CRADD: variants seen among roughly 807,000 people sequenced by gnomAD.
CRADD encodes the protein CARD and death domain containing adaptor protein.
Under a neutral mutation model 15.5 loss-of-function variants are expected in CRADD, and 9 were observed. That is an observed-to-expected ratio of 0.58 (90% CI 0.35 to 1.01). The LOEUF is 1.01. Among genes scored for constraint, CRADD ranks in the 50% least tolerant of loss-of-function variants. CRADD has a pLI of 0.02. For missense variants in CRADD, 227 were observed against 250.3 expected (o/e 0.91, Z 0.63); for synonymous variants, 118 against 107.6 (o/e 1.10, Z -0.60).
chr12:93,885,154 C>T (rs1447167659), intron 2 of CRADD, among the ~76,000 whole-genome samples: 1 of 152,154 alleles, frequency 6.6e-6, no homozygotes, highest in Non-Finnish European at 1.5e-5. Context: ...TTTGGTGAGG[C>T]CTGTTTCCAA....
At chr12:93,759,654 A>G (rs1256266165) in intron 2 of CRADD, among the ~76,000 whole-genome samples, 2 of 152,158 alleles carry the variant, frequency 1.3e-5, no homozygotes, top group African/African-American at 2.4e-5. Context: ...TCTATAGCCA[A>G]GAAAGAAACT....
chr12:93,741,959 CA>C (rs778332477), intron 2 of CRADD, among the ~76,000 whole-genome samples: 30 of 152,270 alleles, frequency 2.0e-4, no homozygotes, highest in Non-Finnish European at 3.7e-4. Flanking sequence ...CTCTACACGC[CA>C]TGATCTTTGT....
intron 2 of CRADD, among the ~76,000 whole-genome samples, chr12:93,809,955 T>C (rs1422076359): frequency 6.6e-6 from 1 of 152,200 alleles, no homozygotes; most frequent in Non-Finnish European, 1.5e-5. Context: ...TAGTCTTATA[T>C]AACCTTCTCG....
At chr12:93,683,006 G>C (rs1024528167) in intron 2 of CRADD, among the ~76,000 whole-genome samples, 2 of 152,202 alleles carry the variant, frequency 1.3e-5, no homozygotes, top group Middle Eastern at 3.2e-3. Flanking sequence ...CATTAGATCA[G>C]CTGGAAATCC....
chr12:93,796,317 C>T (rs1191552782), intron 2 of CRADD, among the ~76,000 whole-genome samples: 1 of 152,028 alleles, frequency 6.6e-6, no homozygotes, highest in Non-Finnish European at 1.5e-5. Context: ...ATATAAAAGT[C>T]ATCTGGGCTG....
At chr12:93,870,523 G>T (rs189803529) in intron 2 of CRADD, among the ~76,000 whole-genome samples, 1 of 152,142 alleles carries the variant, frequency 6.6e-6, no homozygotes, top group African/African-American at 2.4e-5. Flanking sequence ...CTCTATTCCT[G>T]GTAGACATGG....
At chr12:93,682,813 GA>G (rs111247347) in intron 2 of CRADD, among the ~76,000 whole-genome samples, 3,593 of 144,392 alleles carry the variant, frequency 0.025, 95 homozygotes, top group African/African-American at 0.074. Context: ...TCTCTGTTAG[GA>G]AAAAAAAAAA....
chr12:93,851,743 C>T (rs1958224353), downstream of CRADD, among the ~76,000 whole-genome samples: 1 of 152,168 alleles, frequency 6.6e-6, no homozygotes, highest in Non-Finnish European at 1.5e-5. Flanking sequence ...GTGATCTATC[C>T]TTCTTAATAA....
chr12:93,836,617 A>G (rs1171083018), intron 2 of CRADD, among the ~76,000 whole-genome samples: 1 of 152,216 alleles, frequency 6.6e-6, no homozygotes, highest in South Asian at 2.1e-4. Context: ...TATGCAATGT[A>G]ATTTCTCTGG....
At chr12:93,833,566 G>A (rs1383374508) in intron 2 of CRADD, among the ~76,000 whole-genome samples, 1 of 152,000 alleles carries the variant, frequency 6.6e-6, no homozygotes, top group Admixed American at 6.6e-5. Context: ...GGCTAGTCTT[G>A]AACTCCTGAA....
chr12:93,815,834 T>C (rs1425441229), intron 2 of CRADD: 1 of 152,202 alleles, frequency 6.6e-6, no homozygotes, highest in East Asian at 1.9e-4. Context: ...CAAAAGAATA[T>C]GATTTTAGTT....
At chr12:93,682,972 C>G (rs1200238356) in intron 2 of CRADD, among the ~76,000 whole-genome samples, 1 of 152,208 alleles carries the variant, frequency 6.6e-6, no homozygotes, top group African/African-American at 2.4e-5. Context: ...TGGTTTGTCT[C>G]TCTGGCCAAG....
intron 2 of CRADD, among the ~76,000 whole-genome samples, chr12:93,825,762 C>T (rs1004192604): frequency 6.6e-6 from 1 of 152,108 alleles, no homozygotes; most frequent in African/African-American, 2.4e-5. Context: ...GCCACTGACA[C>T]CAAAAAAGGG....
At chr12:93,708,148 G>C (rs1334622335) in intron 2 of CRADD, 2 of 152,196 alleles carry the variant, frequency 1.3e-5, no homozygotes, top group African/African-American at 4.8e-5. Context: ...GCCAGGCCCT[G>C]GGAATACAGA....
intron 2 of CRADD, among the ~76,000 whole-genome samples, chr12:93,803,216 G>A (rs775883145): frequency 8.5e-5 from 13 of 152,050 alleles, no homozygotes; most frequent in South Asian, 2.1e-4. Context: ...CTGAGGTCTC[G>A]TCAATGGAAT....
chr12:93,765,993 T>C (rs780633032), intron 2 of CRADD, among the ~76,000 whole-genome samples: 7 of 152,214 alleles, frequency 4.6e-5, no homozygotes, highest in Admixed American at 6.5e-5. Context: ...GTGATTGAAA[T>C]TGACATTCCT....
chr12:93,726,094 G>GTTTTTTTTTTTTTTTTTTTTTTTTTTTTT (rs1165429350), intron 2 of CRADD, among the ~76,000 whole-genome samples: 3 of 96,010 alleles, frequency 3.1e-5, no homozygotes, highest in Non-Finnish European at 4.1e-5. Flanking sequence ...AAATAGTTTA[G>GTTTTTTTTTTTTTTTTTTTTTTTTTTTTT]TTTTTTTTTT....
intron 2 of CRADD, among the ~76,000 whole-genome samples, chr12:93,680,216 G>GA (rs1955249363): frequency 6.6e-6 from 1 of 152,082 alleles, no homozygotes; most frequent in African/African-American, 2.4e-5. Flanking sequence ...AAAAGTAATT[G>GA]AAAGTTGGCT....
chr12:93,680,319 G>A (rs922654361), intron 2 of CRADD, among the ~76,000 whole-genome samples: 18 of 152,128 alleles, frequency 1.2e-4, no homozygotes, highest in East Asian at 7.7e-4. Flanking sequence ...CCCAGACTTC[G>A]TGGTTGCTAT....
Sources: allele counts gnomAD v4.1 joint callset (sites outside exome capture counted in the v4.1 genomes callset), GRCh38; gene constraint gnomAD v4.1.1; transcripts MANE v1.5; gene names NCBI Gene and HGNC (gene_info 2026-07-23, HGNC 2026-07-21).